Variants in NRXN1 observed in about 807,000 individuals in gnomAD.
NRXN1 encodes the protein neurexin-1.
NRXN1 carries 39 observed loss-of-function variants against 150.9 expected under a neutral mutation model. The observed-to-expected ratio is 0.26, with a 90% CI of 0.20 to 0.34. The LOEUF (loss-of-function observed/expected upper bound fraction) is 0.34, where lower values mean the gene tolerates loss of function less well. Among genes scored for constraint, NRXN1 ranks in the 10% least tolerant of loss-of-function variants. The probability of loss-of-function intolerance (pLI) is 1.00; values close to 1 mark genes in which losing one functional copy is unlikely to be tolerated. For missense variants in NRXN1, 1,815 were observed against 1,949.9 expected, an observed-to-expected ratio of 0.93 and a Z score of 1.30; for synonymous variants, 924 against 757.0, an observed-to-expected ratio of 1.22 and a Z score of -3.62.
At chr2:50,732,648 G>A (rs916525949) in intron 5 of NRXN1, among the ~76,000 whole-genome samples, 3 of 152,030 alleles carry the variant, frequency 2.0e-5, no homozygotes, top group Non-Finnish European at 4.4e-5. Flanking sequence ...ACTTGACCCC[G>A]ATTTTCCTTT....
At chr2:50,834,474 C>T (rs992052973) in intron 5 of NRXN1, among the ~76,000 whole-genome samples, 6 of 152,226 alleles carry the variant, frequency 3.9e-5, no homozygotes, top group African/African-American at 1.4e-4. Flanking sequence ...TAACAAAATT[C>T]ACAGTGGCTT....
chr2:50,386,870 C>A (rs1288710106), intron 17 of NRXN1, among the ~76,000 whole-genome samples: 4 of 152,088 alleles, frequency 2.6e-5, no homozygotes, highest in African/African-American at 9.7e-5. Context: ...TGCCCAGGGG[C>A]TGGACAAGGA....
intron 17 of NRXN1, among the ~76,000 whole-genome samples, chr2:50,292,883 C>G (rs958266429): frequency 6.6e-6 from 1 of 152,068 alleles, no homozygotes; most frequent in Non-Finnish European, 1.5e-5. Flanking sequence ...TTAAGTCATT[C>G]AGAACTACAA....
intron 5 of NRXN1, among the ~76,000 whole-genome samples, chr2:50,787,090 T>C (rs748372303): frequency 6.6e-6 from 1 of 152,126 alleles, no homozygotes; most frequent in Non-Finnish European, 1.5e-5. Flanking sequence ...GGAATTCTCA[T>C]GATAAAACTG....
At position 50,346,870 on chromosome 2, in the gene NRXN1, GCGCCGCCGCCGCCGCCGCCGC is replaced by G; in HGVS notation, c.3365-109921_3365-109901del. Reference sequence around the variant, plus strand: ...CCAAAGCAGGGCCAGGCGCCCCCCTGCGCCGCCGCCGCCGCCGCCGCCGCCGCCGCCCCCGGGCGAGCCCAG... The same window carrying G: ...CCAAAGCAGGGCCAGGCGCCCCCCTGCGCCGCCGCCCCCGGGCGAGCCCAG... On this transcript the variant is annotated intron_variant, in intron 17 of 22. Transcript: ENST00000401669. This position sits in a 1 kb window ranked among gnomAD's most constrained non-coding sequence, Gnocchi z 5.0. 9.5e-6 allele frequency: 13 copies of G among 1,366,776 alleles called. No individual in the cohort carries two copies. The highest frequency in any genetic ancestry group is 1.5e-5 in the African/African-American group (1 of 66,788). The allele number at this position is 1,366,776 out of a possible 1,614,324, so 84.7% of individuals were successfully genotyped here. A position where few individuals can be genotyped will look rare whatever the true frequency, so the allele number is the denominator to read the frequency against.
intron 17 of NRXN1, among the ~76,000 whole-genome samples, chr2:50,316,322 T>A (rs2075602849): frequency 6.6e-6 from 1 of 152,026 alleles, no homozygotes; most frequent in Non-Finnish European, 1.5e-5. Flanking sequence ...CTCTACCTGG[T>A]GACTTGTATT....
intron 17 of NRXN1, among the ~76,000 whole-genome samples, chr2:50,328,037 C>A (rs535312463): frequency 1.3e-5 from 2 of 151,896 alleles, no homozygotes; most frequent in East Asian, 3.9e-4. Context: ...GGATTTTTTG[C>A]TTGTTGAAAT....
intron 8 of NRXN1, among the ~76,000 whole-genome samples, chr2:50,613,676 C>T (rs1294589956): frequency 3.9e-5 from 6 of 152,278 alleles, no homozygotes; most frequent in Admixed American, 2.0e-4. Context: ...TGGTGGCTCA[C>T]GCCTGTAATC....
At chr2:50,713,617 T>G (rs2105063168) in intron 5 of NRXN1, among the ~76,000 whole-genome samples, 1 of 152,290 alleles carries the variant, frequency 6.6e-6, no homozygotes, top group African/African-American at 2.4e-5. Context: ...TCCCTTCTAC[T>G]TCCACTTGAC....
At chr2:50,196,666 A>C (rs979331051) in intron 18 of NRXN1, among the ~76,000 whole-genome samples, 1 of 152,148 alleles carries the variant, frequency 6.6e-6, no homozygotes, top group African/African-American at 2.4e-5. Flanking sequence ...TTCAACTAAA[A>C]AGATTTGTTT....
intron 2 of NRXN1, among the ~76,000 whole-genome samples, chr2:50,959,368 C>T (rs2104672364): frequency 6.6e-6 from 1 of 152,086 alleles, no homozygotes; most frequent in Non-Finnish European, 1.5e-5. Flanking sequence ...TATCCATCAA[C>T]TGATGAATGA....
At chr2:50,070,677 G>A (rs1013649263) in intron 19 of NRXN1, among the ~76,000 whole-genome samples, 1 of 150,848 alleles carries the variant, frequency 6.6e-6, no homozygotes. Flanking sequence ...GGCTGAGGCA[G>A]GAGAATGGCG....
At chr2:50,214,211 C>T (rs2063229340) in intron 18 of NRXN1, among the ~76,000 whole-genome samples, 1 of 151,938 alleles carries the variant, frequency 6.6e-6, no homozygotes. Context: ...GGATAATTTT[C>T]ATCAGGCCAG....
chr2:49,958,719 G>A (rs927823680), intron 21 of NRXN1, among the ~76,000 whole-genome samples: 1 of 152,198 alleles, frequency 6.6e-6, no homozygotes, highest in Admixed American at 6.5e-5. Flanking sequence ...AAACACAGTA[G>A]TGATCTCAAA....
intron 2 of NRXN1, among the ~76,000 whole-genome samples, chr2:50,992,525 A>G (rs1698692574): frequency 6.6e-6 from 1 of 151,746 alleles, no homozygotes; most frequent in East Asian, 1.9e-4. Flanking sequence ...TATAAAAAGC[A>G]CAGTTCTTTG....
intron 18 of NRXN1, among the ~76,000 whole-genome samples, chr2:50,149,021 T>C (rs2058539424): frequency 6.6e-6 from 1 of 151,746 alleles, no homozygotes; most frequent in African/African-American, 2.4e-5. Context: ...ATGTTTTCTC[T>C]AAGAGCATAG....
chr2:50,331,550 A>C (rs1437393838), intron 17 of NRXN1, among the ~76,000 whole-genome samples: 2 of 152,180 alleles, frequency 1.3e-5, no homozygotes, highest in African/African-American at 2.4e-5. Flanking sequence ...CTTGCAGTCT[A>C]CTTCCTATAT....
chr2:49,927,749 C>T (rs752420008), intron 22 of NRXN1, among the ~76,000 whole-genome samples: 19 of 152,142 alleles, frequency 1.2e-4, no homozygotes, highest in Admixed American at 9.2e-4. Flanking sequence ...CCTTATCTTT[C>T]TATTGACAAG....
At chr2:50,472,821 GTGTGTGTGTATA>G (rs772991832) in intron 15 of NRXN1, among the ~76,000 whole-genome samples, 1,718 of 134,508 alleles carry the variant, frequency 0.013, 36 homozygotes, top group African/African-American at 0.04. Context: ...GTGTGTGTGT[GTGTGTGTGTATA>G]TATATATATA....
Sources: allele counts gnomAD v4.1 joint callset (sites outside exome capture counted in the v4.1 genomes callset), GRCh38; gene constraint gnomAD v4.1.1; non-coding constraint Gnocchi (gnomAD v3.1); transcripts MANE v1.5; gene names NCBI Gene and HGNC (gene_info 2026-07-23, HGNC 2026-07-21).